The following TECPR2 variants were observed in gnomAD, a reference collection of about 807,000 sequenced individuals.
The protein encoded by TECPR2 is tectonin beta-propeller repeat-containing protein 2.
A neutral mutation model predicts 138.1 loss-of-function variants in TECPR2; 65 were observed. The ratio of observed to expected loss-of-function variants is 0.47; its 90% CI spans 0.39 to 0.58. The LOEUF (loss-of-function observed/expected upper bound fraction) is 0.58, where lower values mean the gene tolerates loss of function less well. Among genes scored for constraint, TECPR2 ranks in the 20% least tolerant of loss-of-function variants. The probability of loss-of-function intolerance (pLI) is 0.00; values close to 1 mark genes in which losing one functional copy is unlikely to be tolerated. For missense variants in TECPR2, 1,553 were observed against 1,824.5 expected (o/e 0.85, Z 2.71); for synonymous variants, 746 against 749.8 (o/e 0.99, Z 0.08).
At chr14:102,401,077 T>G (rs1228116873) in intron 2 of TECPR2, among the ~76,000 whole-genome samples, 1 of 151,524 alleles carries the variant, frequency 6.6e-6, no homozygotes, top group African/African-American at 2.4e-5. Flanking sequence ...TGTTTATTGG[T>G]TAATTACCTT....
At chr14:102,461,409 A>G (rs976765629) in intron 16 of TECPR2, among the ~76,000 whole-genome samples, 2 of 152,264 alleles carry the variant, frequency 1.3e-5, no homozygotes, top group Admixed American at 1.3e-4. Flanking sequence ...TATTTTATAA[A>G]TAAAATGTCA....
At chr14:102,391,613 T>C (rs552335939) in intron 2 of TECPR2, among the ~76,000 whole-genome samples, 20 of 152,298 alleles carry the variant, frequency 1.3e-4, no homozygotes, top group Non-Finnish European at 2.8e-4. Flanking sequence ...ATATAATCAT[T>C]ATTTTAAAAA....
At chr14:102,495,073 G>C (rs994879898) in intron 17 of TECPR2, among the ~76,000 whole-genome samples, 1 of 152,176 alleles carries the variant, frequency 6.6e-6, no homozygotes, top group African/African-American at 2.4e-5. Context: ...AATTAGCCTG[G>C]TGTGGTGGTG....
intron 16 of TECPR2, among the ~76,000 whole-genome samples, chr14:102,461,904 G>C: frequency 6.6e-6 from 1 of 152,186 alleles, no homozygotes; most frequent in Non-Finnish European, 1.5e-5. Flanking sequence ...CATGGAACAG[G>C]TTCACAAACC....
At chr14:102,401,150 C>T (rs963641064) in intron 2 of TECPR2, among the ~76,000 whole-genome samples, 1 of 151,528 alleles carries the variant, frequency 6.6e-6, no homozygotes, top group Non-Finnish European at 1.5e-5. Context: ...TTTTTAAAAC[C>T]AATCTGGGCT....
chr14:102,431,627 T>A (rs151034203), intron 7 of TECPR2, among the ~76,000 whole-genome samples, 169 bp from the exon 8 acceptor site: 2 of 152,188 alleles, frequency 1.3e-5, no homozygotes, highest in South Asian at 4.1e-4. Flanking sequence ...CAGGCGTGAG[T>A]CACCGTGCCC....
intron 3 of TECPR2, among the ~76,000 whole-genome samples, chr14:102,408,003 GA>G (rs1193938919): frequency 6.8e-6 from 1 of 145,986 alleles, no homozygotes; most frequent in Admixed American, 6.8e-5. Flanking sequence ...TCTAAAAAAA[GA>G]AAAAAAATAC....
chr14:102,391,853 T>C (rs1462012671), intron 2 of TECPR2, among the ~76,000 whole-genome samples: 3 of 152,206 alleles, frequency 2.0e-5, no homozygotes, highest in Non-Finnish European at 4.4e-5. Flanking sequence ...CCTTGTCTTA[T>C]GAAAAAGTTG....
chr14:102,450,745 GGCAT>G, intron 15 of TECPR2, 96 bp downstream of exon 15: 5 of 1,251,060 alleles, frequency 4.0e-6, no homozygotes, highest in Non-Finnish European at 5.8e-6. Context: ...TTGGTTATGG[GGCAT>G]GCCTCGGAGA....
At chr14:102,439,146 G>A (rs1201817721) in intron 10 of TECPR2, among the ~76,000 whole-genome samples, 1 of 152,070 alleles carries the variant, frequency 6.6e-6, no homozygotes, top group Non-Finnish European at 1.5e-5. Context: ...TTACAGGTGA[G>A]AGCCACTACG....
intron 5 of TECPR2, among the ~76,000 whole-genome samples, chr14:102,423,107 C>T (rs753079743): frequency 1.2e-4 from 19 of 152,274 alleles, no homozygotes; most frequent in Admixed American, 2.6e-4. Context: ...GTCCAACCCA[C>T]GGCCCAACAC....
chr14:102,427,307 T>C (rs1484624334), intron 6 of TECPR2, among the ~76,000 whole-genome samples: 1 of 152,190 alleles, frequency 6.6e-6, no homozygotes, highest in Non-Finnish European at 1.5e-5. Context: ...ATCTGAGCAT[T>C]TACCCGATGC....
chr14:102,482,878 C>T (rs1890925486), intron 17 of TECPR2, among the ~76,000 whole-genome samples: 1 of 129,762 alleles, frequency 7.7e-6, no homozygotes, highest in African/African-American at 2.9e-5. Flanking sequence ...GAGTCTCGCT[C>T]TGTCGCCCAG....
Position 102,499,022 on chromosome 14 carries a change from G to A in TECPR2, c.*765G>A, listed in dbSNP as rs555644465. ...ACCGCACCGCACCGCACCGTACCTC[G>A]CCACATCTCACCACACCACACCACA... On this transcript the variant is annotated 3_prime_UTR_variant, in exon 20 of 20. Coordinates refer to ENST00000359520, the MANE Select transcript of TECPR2 (RefSeq NM_014844.5). The A allele has an allele frequency of 1.9e-5, 13 of 694,958 alleles. No homozygotes were observed. Among genetic ancestry groups the A allele is most frequent in the Non-Finnish European group, 3.4e-5 (13 of 382,476 alleles). 43.0% of individuals were successfully genotyped at this position (694,958 alleles called of 1,614,324 possible). A position where few individuals can be genotyped will look rare whatever the true frequency, so the allele number is the denominator to read the frequency against.
chr14:102,455,468 G>A (rs775981633), intron 16 of TECPR2, among the ~76,000 whole-genome samples: 1 of 151,990 alleles, frequency 6.6e-6, no homozygotes, highest in Admixed American at 6.6e-5. Context: ...TTTTTTCCAG[G>A]TGGGGTCTCA....
intron 5 of TECPR2, among the ~76,000 whole-genome samples, chr14:102,417,213 G>A (rs1322752934): frequency 6.6e-6 from 1 of 152,214 alleles, no homozygotes; most frequent in Admixed American, 6.5e-5. Flanking sequence ...GGGGAAATGA[G>A]GGCTAACAGA....
intron 11 of TECPR2, among the ~76,000 whole-genome samples, chr14:102,442,981 A>C (rs1391441475): frequency 6.6e-6 from 1 of 152,242 alleles, no homozygotes; most frequent in South Asian, 2.1e-4. Flanking sequence ...ACTGCCTTGC[A>C]GTTTGACAGA....
intron 1 of TECPR2, among the ~76,000 whole-genome samples, chr14:102,365,107 T>C (rs1887308334): frequency 6.6e-6 from 1 of 152,252 alleles, no homozygotes; most frequent in Non-Finnish European, 1.5e-5. Flanking sequence ...CATACTTGGG[T>C]GAATCTAGCA....
intron 16 of TECPR2, among the ~76,000 whole-genome samples, chr14:102,453,267 A>G (rs1328691844): frequency 6.6e-6 from 1 of 152,072 alleles, no homozygotes; most frequent in East Asian, 1.9e-4. Flanking sequence ...CCTGAGATCA[A>G]GAGTTCGAGA....
Sources: allele counts gnomAD v4.1 joint callset (sites outside exome capture counted in the v4.1 genomes callset), GRCh38; gene constraint gnomAD v4.1.1; transcripts MANE v1.5; gene names NCBI Gene and HGNC (gene_info 2026-07-23, HGNC 2026-07-21).